The following ATXN7L1 variants were observed in gnomAD, a reference collection of about 807,000 sequenced individuals.
ATXN7L1 encodes ataxin 7 like 1.
In ATXN7L1, 15 loss-of-function variants were observed where a neutral mutation model predicts 70.8. The observed-to-expected ratio is 0.21, with a 90% CI of 0.14 to 0.33. The LOEUF is 0.33. ATXN7L1 is among the 10% of genes least tolerant of loss of function. ATXN7L1 has a pLI of 1.00. For synonymous variants in ATXN7L1, 440 were observed against 445.1 expected (o/e 0.99, Z 0.14); for missense variants, 975 against 1,097.1 (o/e 0.89, Z 1.57).
chr7:105,662,056 TTCCTTCCTTCCTTCCTTCCTTCCTTC>T (rs1454024111), intron 4 of ATXN7L1, among the ~76,000 whole-genome samples: 57 of 89,164 alleles, frequency 6.4e-4, no homozygotes, highest in East Asian at 3.0e-3. Context: ...CCTTCCTTCC[TTCCTTCCTTCCTTCCTTCCTTCCTTC>T]TTTCTTTTCT....
chr7:105,716,584 C>A (rs1162099800), intron 3 of ATXN7L1, among the ~76,000 whole-genome samples: 1 of 151,764 alleles, frequency 6.6e-6, no homozygotes, highest in Admixed American at 6.6e-5. Flanking sequence ...AATCCCAGCA[C>A]TTTGGGAGAC....
At chr7:105,740,787 TG>T (rs1797932939) in intron 3 of ATXN7L1, among the ~76,000 whole-genome samples, 1 of 79,280 alleles carries the variant, frequency 1.3e-5, no homozygotes. Flanking sequence ...TTTTTTTTAA[TG>T]GAGTCTCACT....
intron 3 of ATXN7L1, among the ~76,000 whole-genome samples, chr7:105,741,180 T>C (rs1414650990): frequency 6.6e-6 from 1 of 152,128 alleles, no homozygotes. Flanking sequence ...GGCTCAGCTC[T>C]AGATGTGAAT....
intron 2 of ATXN7L1, among the ~76,000 whole-genome samples, 161 bp downstream of exon 2, chr7:105,875,651 C>T (rs772261157): frequency 4.4e-5 from 5 of 113,318 alleles, no homozygotes; most frequent in Non-Finnish European, 8.4e-5. Flanking sequence ...TGTATTTATA[C>T]TTTGAAAGAA....
At chr7:105,868,221 C>G (rs973594153) in intron 2 of ATXN7L1, among the ~76,000 whole-genome samples, 7 of 152,142 alleles carry the variant, frequency 4.6e-5, no homozygotes, top group Non-Finnish European at 1.0e-4. Flanking sequence ...TGAGGCCCCC[C>G]CACCATGACC....
intron 3 of ATXN7L1, among the ~76,000 whole-genome samples, chr7:105,758,444 G>A (rs972354131): frequency 1.3e-5 from 2 of 152,198 alleles, no homozygotes; most frequent in Non-Finnish European, 2.9e-5. Context: ...CTCCCAGCCC[G>A]GCTCTGAACC....
intron 2 of ATXN7L1, among the ~76,000 whole-genome samples, chr7:105,862,728 G>T (rs1816824943): frequency 6.6e-6 from 1 of 152,072 alleles, no homozygotes; most frequent in Non-Finnish European, 1.5e-5. Context: ...GAGACAGGGG[G>T]GTGACACCAG....
At chr7:105,789,302 G>T (rs1454713288) in intron 2 of ATXN7L1, among the ~76,000 whole-genome samples, 1 of 152,214 alleles carries the variant, frequency 6.6e-6, no homozygotes, top group Admixed American at 6.5e-5. Context: ...CAGGCACTGT[G>T]CTAGGTGCTG....
intron 7 of ATXN7L1, among the ~76,000 whole-genome samples, chr7:105,635,917 T>C (rs1339888192): frequency 2.0e-5 from 3 of 151,562 alleles, no homozygotes; most frequent in Non-Finnish European, 4.4e-5. Flanking sequence ...TCAATATGAG[T>C]AAAGCAACGT....
intron 3 of ATXN7L1, among the ~76,000 whole-genome samples, chr7:105,773,233 A>C (rs886844803): frequency 1.3e-5 from 2 of 152,194 alleles, no homozygotes; most frequent in Admixed American, 6.5e-5. Flanking sequence ...ATTATTTTCT[A>C]TTTTGAACTA....
At chr7:105,732,728 A>G (rs563404505) in intron 3 of ATXN7L1, among the ~76,000 whole-genome samples, 3 of 152,346 alleles carry the variant, frequency 2.0e-5, no homozygotes, top group African/African-American at 7.2e-5. Flanking sequence ...AGATGGCAGC[A>G]GTAGCTTTGG....
intron 3 of ATXN7L1, among the ~76,000 whole-genome samples, chr7:105,777,768 C>A (rs1362010136): frequency 1.3e-5 from 2 of 152,200 alleles, no homozygotes; most frequent in Admixed American, 1.3e-4. Context: ...CCAGATTATG[C>A]CTTTCCCTCA....
chr7:105,733,530 C>G (rs67969158), intron 3 of ATXN7L1, among the ~76,000 whole-genome samples: 1 of 65,282 alleles, frequency 1.5e-5, no homozygotes, highest in Non-Finnish European at 2.8e-5. Context: ...ATCCATCCAT[C>G]CATCCATCCA....
At position 105,762,387 on chromosome 7, in the gene ATXN7L1, C is replaced by T. The variant is rs554022568; in HGVS notation, c.355+26217G>A. Among the ~76,000 whole-genome samples, 3 of 152,302 alleles carry T rather than the reference C, an allele frequency of 2.0e-5. No individual in the cohort carries two copies. The East Asian group carries it at 5.8e-4, about 29-fold the overall frequency. ...CTCCAGCACAGCCTTGGGTCTAAGC[C>T]TCCAGCCCTGTCTTTCTCTTCTCTG... On this transcript the variant is annotated intron_variant, in intron 3 of 11. Coordinates refer to ENST00000419735, the MANE Select transcript of ATXN7L1 (RefSeq NM_020725.2).
At chr7:105,633,603 C>T (rs1174963518) in intron 7 of ATXN7L1, among the ~76,000 whole-genome samples, 2 of 151,970 alleles carry the variant, frequency 1.3e-5, no homozygotes, top group Non-Finnish European at 2.9e-5. Context: ...GCTTGTAATC[C>T]CAGCTACTCG....
chr7:105,727,104 C>A (rs1049066438), intron 3 of ATXN7L1, among the ~76,000 whole-genome samples: 1 of 151,854 alleles, frequency 6.6e-6, no homozygotes, highest in African/African-American at 2.4e-5. Context: ...ATTTTTTTTC[C>A]AGGGTGAGTA....
chr7:105,734,545 G>A (rs980228965), intron 3 of ATXN7L1, among the ~76,000 whole-genome samples: 3 of 152,034 alleles, frequency 2.0e-5, no homozygotes, highest in East Asian at 1.9e-4. Context: ...TGACTCAAGC[G>A]TGCACCAGCT....
intron 2 of ATXN7L1, among the ~76,000 whole-genome samples, chr7:105,871,050 A>T (rs1050616192): frequency 1.3e-5 from 2 of 150,254 alleles, no homozygotes; most frequent in Non-Finnish European, 3.0e-5. Flanking sequence ...TTATTTTTGA[A>T]GTAGTTTAAG....
At chr7:105,835,678 A>G (rs1812274582) in intron 2 of ATXN7L1, among the ~76,000 whole-genome samples, 1 of 152,174 alleles carries the variant, frequency 6.6e-6, no homozygotes, top group Non-Finnish European at 1.5e-5. Context: ...AGCTTGGAAC[A>G]TATTTCCCTA....
Sources: gnomAD v4.1 joint callset for allele counts (sites outside exome capture counted in the v4.1 genomes callset) on GRCh38, gnomAD v4.1.1 for gene constraint, MANE v1.5 for transcripts, NCBI Gene and HGNC (gene_info 2026-07-23, HGNC 2026-07-21) for gene names.